The following ENTPD1 variants were observed in gnomAD, a reference collection of about 807,000 sequenced individuals.
ENTPD1 encodes the protein ATP diphosphohydrolase.
ENTPD1 carries 33 observed loss-of-function variants against 57.0 expected under a neutral mutation model. The observed-to-expected ratio is 0.58, with a 90% CI of 0.44 to 0.77. The LOEUF (loss-of-function observed/expected upper bound fraction) is 0.77, where lower values mean the gene tolerates loss of function less well. Among genes scored for constraint, ENTPD1 ranks in the 30% least tolerant of loss-of-function variants. The pLI is 0.00. For synonymous variants in ENTPD1, 202 were observed against 218.8 expected, an observed-to-expected ratio of 0.92 and a Z score of 0.68; for missense variants, 501 against 603.4, an observed-to-expected ratio of 0.83 and a Z score of 1.78.
At chr10:95,849,300 G>C (rs2098440925) in intron 7 of ENTPD1, among the ~76,000 whole-genome samples, 1 of 152,168 alleles carries the variant, frequency 6.6e-6, no homozygotes, top group South Asian at 2.1e-4. Context: ...GCTACCATCT[G>C]TCAAATGCCA....
At position 95,860,685 on chromosome 10, in the gene ENTPD1, A is replaced by G. The variant is rs1590197284; in HGVS notation, c.1188+103A>G. On this transcript the variant is annotated intron_variant, in intron 8 of 9. Transcript: ENST00000371205. ...TGAAACTCCTGCTGGTTTGACCAAG[A>G]TCCAGCAAATGTGTTAGAGAAGACC... 9.4e-6 allele frequency: 9 copies of G among 954,078 alleles called. No homozygotes were observed. The East Asian group carries it at 2.4e-4, about 25-fold the overall frequency. The allele number at this position is 954,078 out of a possible 1,614,324, so 59.1% of individuals were successfully genotyped here. A position where few individuals can be genotyped will look rare whatever the true frequency, so the allele number is the denominator to read the frequency against.
intron 1 of ENTPD1, among the ~76,000 whole-genome samples, chr10:95,760,991 G>A (rs547101624): frequency 1.4e-4 from 21 of 151,700 alleles, no homozygotes; most frequent in African/African-American, 1.9e-4. Flanking sequence ...CACTACACCC[G>A]GCTAATTTTT....
At chr10:95,770,244 AGT>A (rs796161611) in intron 1 of ENTPD1, among the ~76,000 whole-genome samples, 21 of 125,788 alleles carry the variant, frequency 1.7e-4, no homozygotes, top group African/African-American at 6.5e-4. Flanking sequence ...AGAGAGAGAG[AGT>A]GAGTGAGTGA....
intron 1 of ENTPD1, among the ~76,000 whole-genome samples, chr10:95,731,444 C>T (rs1476040412): frequency 2.0e-5 from 3 of 152,198 alleles, no homozygotes; most frequent in Admixed American, 1.3e-4. Flanking sequence ...CCTCACCATT[C>T]CTTATGAATG....
chr10:95,806,413 T>C (rs1006046587), intron 1 of ENTPD1, among the ~76,000 whole-genome samples: 31 of 152,172 alleles, frequency 2.0e-4, no homozygotes, highest in Admixed American at 1.8e-3. Context: ...TTTTTAGCTT[T>C]CTTGTGATGG....
chr10:95,845,223 A>G, intron 5 of ENTPD1, 134 bp from the exon 6 acceptor site: 2 of 1,179,948 alleles, frequency 1.7e-6, no homozygotes, highest in South Asian at 2.5e-5. Context: ...GTTGTAGATC[A>G]GGAGCCTCTA....
Position 95,870,957 on chromosome 10 carries a change from C to CT in ENTPD1, c.*4576dup. ...TGGATCAGACCTATTCCATATACCT[C>CT]TTGTTCTCCTTGTCCAGTGGTTTCT... On this transcript the variant is annotated 3_prime_UTR_variant, in exon 10 of 10. Transcript: ENST00000371205. 1 of 985,442 alleles carries CT rather than the reference C, an allele frequency of 1.0e-6. No individual in the cohort carries two copies. The highest frequency in any genetic ancestry group is 5.2e-4 in the Middle Eastern group (1 of 1,914). The allele number at this position is 985,442 out of a possible 1,614,324, so 61.0% of individuals were successfully genotyped here. A position where few individuals can be genotyped will look rare whatever the true frequency, so the allele number is the denominator to read the frequency against.
chr10:95,865,139 T>C (rs534107759), intron 9 of ENTPD1, among the ~76,000 whole-genome samples: 1 of 152,294 alleles, frequency 6.6e-6, no homozygotes, highest in East Asian at 1.9e-4. Context: ...CAAAACGAGA[T>C]ATATTAAAGT....
chr10:95,735,579 T>A (rs997336941), intron 1 of ENTPD1, among the ~76,000 whole-genome samples: 7 of 152,044 alleles, frequency 4.6e-5, no homozygotes, highest in African/African-American at 1.7e-4. Flanking sequence ...AATACAATTA[T>A]TTATTTATTT....
In ENTPD1 at chr10:95,762,248, A is replaced by G. The variant is rs1308949914; in HGVS notation, c.16+5993A>G. On this transcript the variant is annotated intron_variant, in intron 1 of 9. Transcript: ENST00000371205. ...AAAAAGAAGTGTTTCCTTTTGATTC[A>G]TAGGAAGGATGTAAAGCATTGCTTT... 5.9e-5 allele frequency among the ~76,000 whole-genome samples: 9 copies of G among 151,580 alleles called. No homozygotes were observed. The East Asian group carries it at 1.7e-3, about 29-fold the overall frequency.
At chr10:95,735,710 CT>C (rs2097993974) in intron 1 of ENTPD1, among the ~76,000 whole-genome samples, 1 of 152,096 alleles carries the variant, frequency 6.6e-6, no homozygotes, top group Non-Finnish European at 1.5e-5. Context: ...ATTCTCCTGC[CT>C]CAGCCTCCCG....
intron 2 of ENTPD1, 21 bp from the exon 3 acceptor site, chr10:95,839,670 T>C: frequency 6.2e-7 from 1 of 1,612,552 alleles, no homozygotes; most frequent in Non-Finnish European, 8.5e-7. Context: ...CTGATAAGTT[T>C]TTGGTCTGTG....
intron 8 of ENTPD1, among the ~76,000 whole-genome samples, chr10:95,863,704 C>A (rs760111432): frequency 6.6e-6 from 1 of 152,122 alleles, no homozygotes; most frequent in Non-Finnish European, 1.5e-5. Flanking sequence ...TTAGGACCCA[C>A]GGAAGGGAGA....
At chr10:95,706,175 T>C in the ENTPD1 span, among the ~76,000 whole-genome samples, 7 of 152,214 alleles carry the variant, frequency 4.6e-5, no homozygotes, top group East Asian at 1.9e-4. Context: ...AATTCATTTA[T>C]ATAAAATTCA....
chr10:95,768,820 T>G (rs1456795114), intron 1 of ENTPD1, among the ~76,000 whole-genome samples: 1 of 152,232 alleles, frequency 6.6e-6, no homozygotes, highest in Admixed American at 6.5e-5. Context: ...CTTGCAAAAT[T>G]TATTTAATCT....
At chr10:95,763,466 T>C (rs2098075301) in intron 1 of ENTPD1, among the ~76,000 whole-genome samples, 1 of 152,246 alleles carries the variant, frequency 6.6e-6, no homozygotes, top group Admixed American at 6.5e-5. Context: ...TAACTAAGCA[T>C]ATGATGGGTT....
At chr10:95,704,860 T>TTA in the ENTPD1 span, among the ~76,000 whole-genome samples, 27 of 149,668 alleles carry the variant, frequency 1.8e-4, no homozygotes, top group Middle Eastern at 3.5e-3. Flanking sequence ...TGGTAAAATA[T>TTA]TATATATATA....
chr10:95,757,348 A>T (rs549481769), intron 1 of ENTPD1, among the ~76,000 whole-genome samples: 5 of 152,168 alleles, frequency 3.3e-5, no homozygotes, highest in African/African-American at 1.2e-4. Context: ...AGGTACTGAG[A>T]GGATAACTTG....
At chr10:95,755,647 G>C (rs1274263081), upstream of ENTPD1, 1 of 1,526,040 alleles carries the variant, frequency 6.6e-7, no homozygotes, top group African/African-American at 1.4e-5. Flanking sequence ...TCATCGCTTG[G>C]GTCACCTGTT....
Sources: gnomAD v4.1 joint callset for allele counts (sites outside exome capture counted in the v4.1 genomes callset) on GRCh38, gnomAD v4.1.1 for gene constraint, MANE v1.5 for transcripts, NCBI Gene and HGNC (gene_info 2026-07-23, HGNC 2026-07-21) for gene names.